SRP68: variants seen among roughly 807,000 people sequenced by gnomAD.
SRP68 encodes signal recognition particle 68, also known as signal recognition particle subunit SRP68.
Under a neutral mutation model 82.2 loss-of-function variants are expected in SRP68, and 15 were observed. The ratio of observed to expected loss-of-function variants is 0.18; its 90% CI spans 0.12 to 0.28. The LOEUF is 0.28. Among genes scored for constraint, SRP68 ranks in the 10% least tolerant of loss-of-function variants. The pLI, the probability that SRP68 is intolerant of heterozygous loss-of-function variation, is 1.00. For synonymous variants in SRP68, 261 were observed against 292.6 expected (o/e 0.89, Z 1.10); for missense variants, 595 against 780.5 (o/e 0.76, Z 2.83).
At chr17:76,043,979 C>T (rs2066611166) in intron 12 of SRP68, 21 bp from the exon 13 acceptor site, 1 of 1,587,338 alleles carries the variant, frequency 6.3e-7, no homozygotes, top group Admixed American at 1.9e-5. Flanking sequence ...GGGAAAAGAG[C>T]CACAATATTC....
At chr17:76,066,606 G>GTT (rs552112903) in intron 3 of SRP68, among the ~76,000 whole-genome samples, 16 of 124,054 alleles carry the variant, frequency 1.3e-4, no homozygotes, top group Admixed American at 3.3e-4. Flanking sequence ...ATCCCAACAG[G>GTT]TTTTTTTTTT....
intron 10 of SRP68, 108 bp from the exon 11 acceptor site, chr17:76,046,302 G>A: frequency 1.5e-6 from 2 of 1,291,300 alleles, no homozygotes; most frequent in Non-Finnish European, 2.2e-6. Flanking sequence ...GGCGGGTGGG[G>A]GCGTGGCCAC....
intron 11 of SRP68, among the ~76,000 whole-genome samples, chr17:76,045,746 T>TG (rs2066625391): frequency 6.6e-6 from 1 of 152,134 alleles, no homozygotes; most frequent in Admixed American, 6.5e-5. Context: ...ACAAACTCCC[T>TG]GGGGGCCGAG....
rs147219575 is a variant in SRP68 at position 76,039,919 on chromosome 17, C to T, written c.1671G>A (p.Arg557=). The change falls in exon 16 of 16, where the codon CGG becomes CGA. Residue 557 remains arginine, a synonymous_variant. Transcript: ENST00000307877. ...QVKDNKPLVE[R]FETFCLDPSL... is the part of the protein sequence containing the mutation. ...AAGGGTCCAGGCAGAATGTCTCAAACCGTTCAACCAGAGGCTGGAAGTCAA... is the reference window on the plus strand; with the variant it reads ...AAGGGTCCAGGCAGAATGTCTCAAATCGTTCAACCAGAGGCTGGAAGTCAA... 1,075 of 1,614,174 alleles carry T rather than the reference C, an allele frequency of 6.7e-4. 1 individual carries two copies. The highest frequency in any genetic ancestry group is 9.5e-4 in the Admixed American group (57 of 60,018).
Position 76,059,941 on chromosome 17 carries a change from C to T in SRP68, c.837+367G>A, listed in dbSNP as rs1290124498. On this transcript the variant is annotated intron_variant, in intron 7 of 15. Transcript: ENST00000307877. ...GAGATCGAGACCATCCTGGCTAAGG[C>T]GGTGAAACCCCATCTCTACTACAAA... is the stretch of plus-strand genomic sequence containing the variant. Among the ~76,000 whole-genome samples, 5 of 151,010 alleles carry T rather than the reference C, an allele frequency of 3.3e-5. No homozygotes were observed. In the East Asian group the frequency reaches 5.9e-4, roughly 18 times the overall value.
At chr17:76,054,287 T>C (rs1345569956) in intron 8 of SRP68, among the ~76,000 whole-genome samples, 1 of 152,116 alleles carries the variant, frequency 6.6e-6, no homozygotes, top group Non-Finnish European at 1.5e-5. Context: ...TCTATGGAAA[T>C]TGCTGGAAGG....
rs976107987 is a variant in SRP68, at chr17:76,039,596, C to T, written c.*110G>A. ...AATGCAGGGCCGAAGATGTTAAACT[C>T]TTGCCCCGGGCCAATGCAGACCTGG... On this transcript the variant is annotated 3_prime_UTR_variant, in exon 16 of 16. Transcript: ENST00000307877. The T allele has an allele frequency of 5.6e-6, 6 of 1,074,874 alleles. No homozygotes were observed. The African/African-American group carries it at 6.3e-5, about 11-fold the overall frequency. The allele number at this position is 1,074,874 out of a possible 1,614,324, so 66.6% of individuals were successfully genotyped here.
chr17:76,047,908 A>G lies in SRP68; in HGVS notation c.1140T>C (p.His380=). The G allele has an allele frequency of 2.0e-6, 3 of 1,531,872 alleles. No individual in the cohort carries two copies. Among genetic ancestry groups the G allele is most frequent in the African/African-American group, 2.7e-5 (2 of 73,018 alleles). 94.9% of individuals were successfully genotyped at this position (1,531,872 alleles called of 1,614,324 possible). Reference sequence around the variant, plus strand: ...AAAAAAATTAAAATAACCCTTACCTATGCAAGTATTGAAGATTAGACACCT... The same window carrying G: ...AAAAAAATTAAAATAACCCTTACCTGTGCAAGTATTGAAGATTAGACACCT... ...PGKVSNLQYL[H]SYLTYIKLST... The change falls in exon 10 of 16, where the codon CAT becomes CAC. Residue 380 remains histidine, a splice_region_variant and synonymous_variant. Coordinates refer to ENST00000307877, the MANE Select transcript of SRP68 (RefSeq NM_014230.4).
At chr17:76,052,067 C>A (rs1025548498) in intron 8 of SRP68, among the ~76,000 whole-genome samples, 2 of 152,142 alleles carry the variant, frequency 1.3e-5, no homozygotes, top group Non-Finnish European at 2.9e-5. Context: ...GCCACCACGC[C>A]TGGCTATTTC....
At position 76,046,038 on chromosome 17, in the gene SRP68, CT is replaced by C; in HGVS notation, c.1298del (p.Gln433ArgfsTer12). 6.2e-7 allele frequency: 1 copy of C among 1,613,876 alleles called. No homozygotes were observed. Among genetic ancestry groups the C allele is most frequent in the Non-Finnish European group, 8.5e-7 (1 of 1,179,884 alleles). ...DLIRLYDIILQNLVELLQLPG... is the reference protein window; with the variant it reads ...DLIRLYDIILXNLVELLQLPG... ...TGCCTTCCCGGTCCTCAAGGGTCAC[CT>C]GTAAGATGATGTCATAGAGTCGGAT... On this transcript the variant is annotated frameshift_variant and splice_region_variant, in exon 11 of 16. Transcript: ENST00000307877. LOFTEE classifies it high-confidence loss of function.
intron 14 of SRP68, 161 bp downstream of exon 14, chr17:76,040,742 A>G (rs765348935): frequency 4.2e-6 from 3 of 719,146 alleles, no homozygotes; most frequent in African/African-American, 1.8e-5. Context: ...AAATGCTTCT[A>G]CACAATCTGA....
chr17:76,040,077 G>GCTGTC, intron 15 of SRP68, 144 bp from the exon 16 acceptor site: 2 of 795,476 alleles, frequency 2.5e-6, no homozygotes, highest in African/African-American at 1.7e-5. Context: ...CTACGAGGAG[G>GCTGTC]GGCTACCACA....
Position 76,046,166 on chromosome 17 carries a change from C to T in SRP68, c.1171G>A (p.Ala391Thr). Residue 391 changes from alanine (A) to threonine (T), a missense_variant, in exon 11 of 16, where the codon GCA becomes ACA. Ala to Thr is a moderately conservative substitution (Grantham distance 58). This residue lies in a region of SRP68 where 495 missense variants were observed against 688.6 expected (regional missense o/e 0.72). Transcript: ENST00000307877. ...GCCATGTTCTCATTACGCTTGATTG[C>T]CGTTGATAGCTTGATGTAAGTCAGG... is the stretch of plus-strand genomic sequence containing the variant. ...SYLTYIKLST[A>T]IKRNENMAKG... The T allele has an allele frequency of 1.2e-6, 2 of 1,613,900 alleles. No homozygotes were observed. Among genetic ancestry groups the T allele is most frequent in the South Asian group, 1.1e-5 (1 of 91,070 alleles).
chr17:76,070,222 C>CAAAAAAAA (rs386386662), intron 2 of SRP68, among the ~76,000 whole-genome samples, 156 bp downstream of exon 2: 6 of 95,422 alleles, frequency 6.3e-5, no homozygotes, highest in East Asian at 6.2e-4. Flanking sequence ...GACTCCATCT[C>CAAAAAAAA]AAAAAAAAAA....
At chr17:76,051,109 G>A (rs536667078) in intron 8 of SRP68, among the ~76,000 whole-genome samples, 3 of 152,298 alleles carry the variant, frequency 2.0e-5, no homozygotes, top group African/African-American at 4.8e-5. Context: ...ATCACACTAA[G>A]TTCTTTTCGC....
At chr17:76,062,485 GATATATATATATAATATAT>G (rs1241145864) in intron 4 of SRP68, among the ~76,000 whole-genome samples, 1 of 95,854 alleles carries the variant, frequency 1.0e-5, no homozygotes, top group African/African-American at 4.4e-5. Flanking sequence ...AGAATATGGA[GATATATATATATAATATAT>G]ATATAATATA....
intron 1 of SRP68, among the ~76,000 whole-genome samples, chr17:76,070,821 G>A (rs1257437587): frequency 6.7e-6 from 1 of 150,192 alleles, no homozygotes; most frequent in Admixed American, 6.7e-5. Flanking sequence ...CAGCCTAGGT[G>A]AGAGTGAGAT....
intron 2 of SRP68, among the ~76,000 whole-genome samples, chr17:76,069,932 C>A: frequency 6.6e-6 from 1 of 151,750 alleles, no homozygotes. Flanking sequence ...CAAAAATTAG[C>A]CAGGCATGGT....
chr17:76,063,578 C>G (rs1241334135), intron 4 of SRP68, among the ~76,000 whole-genome samples: 2 of 151,686 alleles, frequency 1.3e-5, no homozygotes, highest in Non-Finnish European at 2.9e-5. Context: ...ATCCCACCTA[C>G]TCGGGAGGCT....
Sources: allele counts gnomAD v4.1 joint callset (sites outside exome capture counted in the v4.1 genomes callset), GRCh38; gene constraint gnomAD v4.1.1; regional missense constraint gnomAD v4.1.1; transcripts MANE v1.5; gene names NCBI Gene and HGNC (gene_info 2026-07-23, HGNC 2026-07-21).